CDK17: variants seen among roughly 807,000 people sequenced by gnomAD.
CDK17 encodes cyclin dependent kinase 17.
CDK17 carries 24 observed loss-of-function variants against 77.6 expected under a neutral mutation model. The observed-to-expected ratio is 0.31, with a 90% CI of 0.22 to 0.44. The LOEUF (loss-of-function observed/expected upper bound fraction) is 0.44, where lower values mean the gene tolerates loss of function less well. Ranked by LOEUF, CDK17 falls within the 20% of genes least tolerant of loss-of-function variation. The pLI, the probability that CDK17 is intolerant of heterozygous loss-of-function variation, is 1.00. For synonymous variants in CDK17, 203 were observed against 210.4 expected (o/e 0.96, Z 0.30); for missense variants, 429 against 622.5 (o/e 0.69, Z 3.31).
intron 11 of CDK17, 81 bp from the exon 12 acceptor site, chr12:96,286,842 C>T (rs1468699706): frequency 8.3e-7 from 1 of 1,203,734 alleles, no homozygotes; most frequent in East Asian, 2.4e-5. Context: ...AAGGTTGCCT[C>T]TCTGCAGAAT....
chr12:96,301,583 G>A (rs1034991142), intron 5 of CDK17, among the ~76,000 whole-genome samples: 2 of 152,216 alleles, frequency 1.3e-5, no homozygotes, highest in Non-Finnish European at 2.9e-5. Context: ...AAAAGGTAAT[G>A]ATAATCTAAA....
intron 3 of CDK17, among the ~76,000 whole-genome samples, chr12:96,316,602 G>C (rs1286217019): frequency 7.1e-6 from 1 of 140,192 alleles, no homozygotes; most frequent in Non-Finnish European, 1.6e-5. Flanking sequence ...CACGCAGCTG[G>C]AGATCTGAGA....
intron 5 of CDK17, 122 bp downstream of exon 5, chr12:96,310,930 A>G (rs555225126): frequency 1.0e-6 from 1 of 992,316 alleles, no homozygotes; most frequent in Non-Finnish European, 1.5e-6. Flanking sequence ...TCGAGAAGGC[A>G]ATATAATAAA....
chr12:96,375,078 T>C (rs1953756671), intron 1 of CDK17, among the ~76,000 whole-genome samples: 1 of 152,104 alleles, frequency 6.6e-6, no homozygotes, highest in Non-Finnish European at 1.5e-5. Flanking sequence ...CTTCAAACCA[T>C]CTCCACCATC....
At chr12:96,284,041 C>T (rs968861826) in intron 13 of CDK17, among the ~76,000 whole-genome samples, 2 of 152,172 alleles carry the variant, frequency 1.3e-5, no homozygotes, top group Non-Finnish European at 2.9e-5. Context: ...AGACAAGTGA[C>T]CCCAAAATGT....
Position 96,299,610 on chromosome 12 carries a change from C to T in CDK17, c.601-627G>A, listed in dbSNP as rs571867551. Among the ~76,000 whole-genome samples, 668 of 152,114 alleles carry T rather than the reference C, an allele frequency of 4.4e-3. 5 individuals are homozygous for T. Among genetic ancestry groups the T allele is most frequent in the Middle Eastern group, 0.024 (7 of 294 alleles). On this transcript the variant is annotated intron_variant, in intron 6 of 16. Coordinates refer to ENST00000261211, the MANE Select transcript of CDK17 (RefSeq NM_002595.5). ...TTCACCATGTTGGCCAGGCTGGTCT[C>T]GAACTCCTGACCTCGTGATTCACCC... is the stretch of plus-strand genomic sequence containing the variant.
At chr12:96,387,694 C>T (rs551698397) in intron 1 of CDK17, among the ~76,000 whole-genome samples, 14 of 152,270 alleles carry the variant, frequency 9.2e-5, no homozygotes, top group African/African-American at 2.4e-4. Flanking sequence ...GTAATCCCAG[C>T]GCTTCGGGAG....
chr12:96,294,837 TA>T, intron 10 of CDK17, among the ~76,000 whole-genome samples, 161 bp downstream of exon 10: 1 of 152,146 alleles, frequency 6.6e-6, no homozygotes, highest in South Asian at 2.1e-4. Context: ...ATAACCAACA[TA>T]AATCACCAAC....
At chr12:96,357,448 T>C (rs1953413868) in intron 1 of CDK17, among the ~76,000 whole-genome samples, 1 of 152,170 alleles carries the variant, frequency 6.6e-6, no homozygotes, top group African/African-American at 2.4e-5. Context: ...AGTGAGACCC[T>C]GTCTCAAAAA....
Position 96,295,128 on chromosome 12 carries a change from G to A in CDK17, c.874-6C>T. On this transcript the variant is annotated splice_polypyrimidine_tract_variant and splice_region_variant and intron_variant, in intron 9 of 16. Coordinates refer to ENST00000261211, the MANE Select transcript of CDK17 (RefSeq NM_002595.5). ...AGAATTTGGTACAGAAACAGCTACA[G>A]AAACAAATAAATAAAAATTAGTCTT... 6.3e-7 allele frequency: 1 copy of A among 1,588,870 alleles called. No individual in the cohort carries two copies. Among genetic ancestry groups the A allele is most frequent in the Non-Finnish European group, 8.5e-7 (1 of 1,170,520 alleles).
At chr12:96,396,532 T>C (rs1226362493) in intron 1 of CDK17, among the ~76,000 whole-genome samples, 2 of 152,354 alleles carry the variant, frequency 1.3e-5, no homozygotes, top group East Asian at 3.9e-4. Flanking sequence ...GTTTATCTTC[T>C]GCATTTAAAA....
At chr12:96,304,389 T>C (rs1216814866) in intron 5 of CDK17, among the ~76,000 whole-genome samples, 1 of 152,066 alleles carries the variant, frequency 6.6e-6, no homozygotes, top group Non-Finnish European at 1.5e-5. Context: ...ATACAAAAAT[T>C]AGCTGGGTGT....
intron 1 of CDK17, among the ~76,000 whole-genome samples, chr12:96,366,972 A>T (rs754182229): frequency 2.0e-5 from 3 of 152,116 alleles, no homozygotes; most frequent in Non-Finnish European, 4.4e-5. Flanking sequence ...CTTTGCTCTT[A>T]CTTATTTCAC....
chr12:96,295,322 G>A, intron 9 of CDK17, 200 bp from the exon 10 acceptor site: 1 of 370,696 alleles, frequency 2.7e-6, no homozygotes, highest in Non-Finnish European at 4.8e-6. Flanking sequence ...TCTATTTGAA[G>A]CATCTACCTA....
At chr12:96,353,512 G>A (rs1263141179) in intron 1 of CDK17, among the ~76,000 whole-genome samples, 1 of 149,724 alleles carries the variant, frequency 6.7e-6, no homozygotes. Context: ...AGTAAAGAAT[G>A]CCACTGCCAT....
chr12:96,301,863 A>C (rs1952510935), intron 5 of CDK17, among the ~76,000 whole-genome samples: 1 of 152,138 alleles, frequency 6.6e-6, no homozygotes, highest in Admixed American at 6.5e-5. Context: ...GAATGGCCAA[A>C]AGTAGCAGAG....
intron 13 of CDK17, among the ~76,000 whole-genome samples, chr12:96,284,770 G>T (rs2137064631): frequency 1.3e-5 from 2 of 152,004 alleles, no homozygotes; most frequent in East Asian, 3.9e-4. Flanking sequence ...CTCCATGTTG[G>T]TCAGGCTGGT....
At chr12:96,366,832 C>CT (rs1565837932) in intron 1 of CDK17, among the ~76,000 whole-genome samples, 2 of 152,108 alleles carry the variant, frequency 1.3e-5, no homozygotes, top group Admixed American at 6.5e-5. Context: ...ATCTTTTTCT[C>CT]TTTTTTCTGA....
In CDK17 at chr12:96,286,129, A is replaced by C. The variant is rs779395447; in HGVS notation, c.1236T>G (p.Thr412=). The change falls in exon 13 of 17, where the codon ACT becomes ACG. Residue 412 remains threonine (T), a synonymous_variant. Transcript: ENST00000261211. ...CCTCATTTGAAGAAATACCTGGCCA[A>C]GTTTCCTGAGATGGAGTTCCTGAAT... ...FRLLGTPSQE[T]WPGISSNEEF... The C allele has an allele frequency of 9.9e-6, 14 of 1,416,658 alleles. No homozygotes were observed. Among genetic ancestry groups the C allele is most frequent in the African/African-American group, 1.5e-5 (1 of 68,844 alleles). The allele number at this position is 1,416,658 out of a possible 1,614,324, so 87.8% of individuals were successfully genotyped here.
Sources: allele counts gnomAD v4.1 joint callset (sites outside exome capture counted in the v4.1 genomes callset), GRCh38; gene constraint gnomAD v4.1.1; transcripts MANE v1.5; gene names NCBI Gene and HGNC (gene_info 2026-07-23, HGNC 2026-07-21).